Variants in KIF9 observed in about 807,000 individuals in gnomAD.
KIF9 encodes kinesin-like protein KIF9.
Under a neutral mutation model 94.8 loss-of-function variants are expected in KIF9, and 68 were observed. The ratio of observed to expected loss-of-function variants is 0.72; its 90% CI spans 0.59 to 0.88. The LOEUF is 0.88. Ranked by LOEUF, KIF9 falls within the 40% of genes least tolerant of loss-of-function variation. The probability of loss-of-function intolerance (pLI) is 0.00; values close to 1 mark genes in which losing one functional copy is unlikely to be tolerated. For missense variants in KIF9, 882 were observed against 982.5 expected (o/e 0.90, Z 1.37); for synonymous variants, 343 against 362.1 (o/e 0.95, Z 0.60).
Position 47,265,842 on chromosome 3 carries a change from G to C in KIF9, c.804C>G (p.Ile268Met), listed in dbSNP as rs377497051. 15 of 1,614,182 alleles carry C rather than the reference G, an allele frequency of 9.3e-6. No homozygotes were observed. In the South Asian group the frequency reaches 1.6e-4, roughly 18 times the overall value. Reference protein sequence around the residue: ...EGQVLKEATYINKSLSFLEQA... With the variant: ...EGQVLKEATYMNKSLSFLEQA... The stretch of plus-strand genomic sequence containing the variant: ...GCTCCAGGAATGAGAGCGATTTGTT[G>C]ATGTAGGTGGCTTCCTTCAGGACTT... Residue 268 changes from isoleucine to methionine, a missense_variant, in exon 8 of 21, where the codon ATC (isoleucine) becomes ATG (methionine). Transcript: ENST00000684063.
At chr3:47,248,596 C>A (rs902785994) in intron 10 of KIF9, among the ~76,000 whole-genome samples, 1 of 152,074 alleles carries the variant, frequency 6.6e-6, no homozygotes, top group East Asian at 1.9e-4. Context: ...GTGACCGCCA[C>A]CACACCTGGC....
chr3:47,244,411 G>C (rs773019004), intron 15 of KIF9: 2 of 172,746 alleles, frequency 1.2e-5, no homozygotes, highest in Non-Finnish European at 2.5e-5. Context: ...TGAAGTGAGG[G>C]GAGGGGGTAC....
In KIF9 at chr3:47,264,282, A is replaced by G. The variant is rs772695123; in HGVS notation, c.981+4T>C. The G allele has an allele frequency of 1.9e-6, 3 of 1,610,148 alleles. No homozygotes were observed. Among genetic ancestry groups the G allele is most frequent in the East Asian group, 4.5e-5 (2 of 44,846 alleles). ...GCCTGGTTTCACTGACTGTCTTTACATACCGTTTCTTCTAACTGGGCAGCT... is the reference window on the plus strand; with the variant it reads ...GCCTGGTTTCACTGACTGTCTTTACGTACCGTTTCTTCTAACTGGGCAGCT... On this transcript the variant is annotated splice_donor_region_variant and intron_variant, in intron 9 of 20. Coordinates refer to ENST00000684063, the MANE Select transcript of KIF9 (RefSeq NM_182902.4).
chr3:47,261,358 C>G (rs1210173293), intron 9 of KIF9, among the ~76,000 whole-genome samples: 1 of 152,134 alleles, frequency 6.6e-6, no homozygotes, highest in South Asian at 2.1e-4. Flanking sequence ...GGAGGGGGAG[C>G]CAGCCAAGGA....
At chr3:47,244,482 C>T (rs1371182945) in intron 15 of KIF9, 2 of 276,870 alleles carry the variant, frequency 7.2e-6, no homozygotes, top group African/African-American at 2.2e-5. Flanking sequence ...GCTGCCATTC[C>T]ACTACTCATT....
At chr3:47,244,261 C>G (rs1205577971) in intron 15 of KIF9, 1 of 152,990 alleles carries the variant, frequency 6.5e-6, no homozygotes, top group African/African-American at 2.4e-5. Context: ...GTGCTCTTAC[C>G]CACCACTACA....
chr3:47,243,064 AT>A lies in KIF9; in HGVS notation c.1695del (p.Glu565AspfsTer39). 2 of 1,606,844 alleles carry A rather than the reference AT, an allele frequency of 1.2e-6. No individual in the cohort carries two copies. Among genetic ancestry groups the A allele is most frequent in the South Asian group, 2.2e-5 (2 of 90,804 alleles). On this transcript the variant is annotated frameshift_variant, in exon 16 of 21. Transcript: ENST00000684063. LOFTEE classifies it high-confidence loss of function. ...TTAGCTGATTACCTAATTGGGCGTA[AT>A]TCCTCCTTCGGGGAGTCTGAGGGAA... ...EPLPSDSPKE[E>X]LRPIRPDTPP...
chr3:47,244,878 C>G lies in KIF9; in HGVS notation c.1427G>C (p.Gly476Ala). 1 of 1,614,172 alleles carries G rather than the reference C, an allele frequency of 6.2e-7. No homozygotes were observed. The highest frequency in any genetic ancestry group is 8.5e-7 in the Non-Finnish European group (1 of 1,180,030). The stretch of plus-strand genomic sequence containing the variant: ...GGCGACTCCGAGTCCAAAGTTTTGT[C>G]CTTCAGGCTCACCCACTAGGTGGCC... Reference protein sequence around the residue: ...VDGHLVGEPEGQNFGLGVAPF... With the variant: ...VDGHLVGEPEAQNFGLGVAPF... The change falls in exon 15 of 21, where the codon GGA (glycine) becomes GCA (alanine). Residue 476 changes from glycine (G) to alanine (A), a missense_variant. Gly to Ala is a moderately conservative substitution (Grantham distance 60). Coordinates refer to ENST00000684063, the MANE Select transcript of KIF9 (RefSeq NM_182902.4).
chr3:47,276,556 A>G (rs1446053937), intron 2 of KIF9, among the ~76,000 whole-genome samples: 2 of 135,902 alleles, frequency 1.5e-5, no homozygotes, highest in African/African-American at 5.6e-5. Flanking sequence ...ACTCTGTCTC[A>G]AAAAAAAAAA....
At chr3:47,248,769 G>C (rs1700085909) in intron 10 of KIF9, among the ~76,000 whole-genome samples, 1 of 152,092 alleles carries the variant, frequency 6.6e-6, no homozygotes, top group South Asian at 2.1e-4. Flanking sequence ...TTAGAGAAAG[G>C]CTCTTGCTCT....
chr3:47,273,585 C>T lies in KIF9; in HGVS notation c.333G>A (p.Lys111=). The change falls in exon 4 of 21, where the codon AAG becomes AAA. Residue 111 remains lysine (K), a synonymous_variant. Coordinates refer to ENST00000684063, the MANE Select transcript of KIF9 (RefSeq NM_182902.4). The part of the protein sequence containing the change: ...YTMMGATENY[K]HRGILPRALQ... ...GGGCACGAGGGAGGATCCCCCGGTG[C>T]TTGTAATTCTCAGTTGCCCCCATCA... The T allele has an allele frequency of 6.2e-7, 1 of 1,612,624 alleles. No individual in the cohort carries two copies. The highest frequency in any genetic ancestry group is 8.5e-7 in the Non-Finnish European group (1 of 1,179,172).
intron 5 of KIF9, among the ~76,000 whole-genome samples, chr3:47,268,664 C>A (rs1349248198): frequency 6.6e-6 from 1 of 150,986 alleles, no homozygotes; most frequent in Non-Finnish European, 1.5e-5. Flanking sequence ...CTCACTGCAA[C>A]TTCTGCCTCC....
At chr3:47,279,463 C>G (rs964779902) in intron 1 of KIF9, among the ~76,000 whole-genome samples, 4 of 145,018 alleles carry the variant, frequency 2.8e-5, no homozygotes, top group Non-Finnish European at 4.5e-5. Context: ...GGTGACAGAG[C>G]AAGCTCAGTC....
chr3:47,260,851 A>C (rs1182978981), intron 9 of KIF9, among the ~76,000 whole-genome samples: 3 of 152,148 alleles, frequency 2.0e-5, no homozygotes, highest in African/African-American at 4.8e-5. Flanking sequence ...GGTGATGGGG[A>C]AGGGATAAGT....
intron 7 of KIF9, 130 bp downstream of exon 7, chr3:47,266,844 CAT>C (rs1701316571): frequency 1.4e-6 from 1 of 733,646 alleles, no homozygotes; most frequent in Non-Finnish European, 2.4e-6. Context: ...AGCAAGCCCA[CAT>C]GTCCCACTTC....
Position 47,262,694 on chromosome 3 carries a change from C to T in KIF9, c.981+1592G>A, listed in dbSNP as rs745804940. ...CCCAAGTCCCAGGGTGCTGGATGTA[C>T]GACAGGAGCACTCTCCTTGGAAGCT... On this transcript the variant is annotated intron_variant, in intron 9 of 20. Coordinates refer to ENST00000684063, the MANE Select transcript of KIF9 (RefSeq NM_182902.4). Among the ~76,000 whole-genome samples, 57 of 152,248 alleles carry T rather than the reference C, an allele frequency of 3.7e-4. No homozygotes were observed. In the Middle Eastern group the frequency reaches 0.01, roughly 27 times the overall value.
chr3:47,279,187 C>T (rs1161402844), intron 1 of KIF9, among the ~76,000 whole-genome samples: 1 of 132,014 alleles, frequency 7.6e-6, no homozygotes, highest in African/African-American at 2.8e-5. Context: ...AAAAAACTAA[C>T]GTGGGCCAAG....
At chr3:47,264,229 G>T (rs1701153520) in intron 9 of KIF9, 57 bp downstream of exon 9, 3 of 1,345,744 alleles carry the variant, frequency 2.2e-6, no homozygotes, top group South Asian at 1.2e-5. Context: ...GCCTTACCCT[G>T]CCCTGGCACC....
At chr3:47,275,095 T>C (rs554931746) in intron 3 of KIF9, 200 of 505,900 alleles carry the variant, frequency 4.0e-4, no homozygotes, top group Non-Finnish European at 6.1e-4. Context: ...CTGTGACCTA[T>C]AGAGAGCCAT....
Sources: gnomAD v4.1 joint callset for allele counts (sites outside exome capture counted in the v4.1 genomes callset) on GRCh38, gnomAD v4.1.1 for gene constraint, MANE v1.5 for transcripts, NCBI Gene and HGNC (gene_info 2026-07-23, HGNC 2026-07-21) for gene names.